Variants in TTYH2 observed in about 807,000 individuals in gnomAD.
The protein encoded by TTYH2 is tweety family member 2, also known as protein tweety homolog 2.
A neutral mutation model predicts 68.3 loss-of-function variants in TTYH2; 49 were observed. The ratio of observed to expected loss-of-function variants is 0.72; its 90% CI spans 0.57 to 0.91. The LOEUF is 0.91. Ranked by LOEUF, TTYH2 falls within the 40% of genes least tolerant of loss-of-function variation. TTYH2 has a pLI of 0.00. For synonymous variants in TTYH2, 272 were observed against 300.8 expected (o/e 0.90, Z 0.99); for missense variants, 631 against 700.4 (o/e 0.90, Z 1.12).
At position 74,214,923 on chromosome 17, in the gene TTYH2, C is replaced by T. The variant is rs1013040250; in HGVS notation, c.129+1207C>T. Reference sequence around the variant, plus strand: ...AGTCTAATAATAACCCCTGACGACCCGGCTGCCATCAGGCCCAGGCAGATG... The same window carrying T: ...AGTCTAATAATAACCCCTGACGACCTGGCTGCCATCAGGCCCAGGCAGATG... On this transcript the variant is annotated intron_variant, in intron 1 of 13. Transcript: ENST00000269346. This position sits in a 1 kb window ranked among gnomAD's most constrained non-coding sequence, Gnocchi z 4.6. Among the ~76,000 whole-genome samples, 1 of 152,128 alleles carries T rather than the reference C, an allele frequency of 6.6e-6. No individual in the cohort carries two copies. The highest frequency in any genetic ancestry group is 1.5e-5 in the Non-Finnish European group (1 of 68,024).
At chr17:74,248,370 T>C (rs925668404) in intron 6 of TTYH2, 4 of 986,476 alleles carry the variant, frequency 4.1e-6, no homozygotes, top group African/African-American at 3.5e-5. Flanking sequence ...AGCAATCACT[T>C]AGCCAGGCCG....
intron 13 of TTYH2, among the ~76,000 whole-genome samples, chr17:74,259,903 G>A (rs1439783465): frequency 6.6e-6 from 1 of 152,184 alleles, no homozygotes; most frequent in East Asian, 1.9e-4. Context: ...GCTGGATGCT[G>A]GGGGTGTGTG....
chr17:74,217,092 C>T lies in TTYH2; in HGVS notation c.129+3376C>T, dbSNP rs1165642685. Among the ~76,000 whole-genome samples the T allele has an allele frequency of 2.0e-5, 3 of 152,312 alleles. No homozygotes were observed. In the East Asian group the frequency reaches 5.8e-4, roughly 29 times the overall value. Reference sequence around the variant, plus strand: ...AGGCACTTCGGTGTCCCTGCCTGAGCGTGAGTGCCACCATCACCATCCAGC... The same window carrying T: ...AGGCACTTCGGTGTCCCTGCCTGAGTGTGAGTGCCACCATCACCATCCAGC... On this transcript the variant is annotated intron_variant, in intron 1 of 13. Coordinates refer to ENST00000269346, the MANE Select transcript of TTYH2 (RefSeq NM_032646.6). The surrounding 1 kb of genome is among the most constrained non-coding windows in gnomAD (Gnocchi z 4.0).
chr17:74,251,650 G>T lies in TTYH2; in HGVS notation c.1117-584G>T, dbSNP rs532025523. On this transcript the variant is annotated intron_variant, in intron 10 of 13. Coordinates refer to ENST00000269346, the MANE Select transcript of TTYH2 (RefSeq NM_032646.6). ...GGTCCTGCCCCTCCAGCAGACAGTG[G>T]CCTCTTCCCACTTTCTCTTGCCCCC... Among the ~76,000 whole-genome samples the T allele has an allele frequency of 2.2e-5, 3 of 139,300 alleles. No homozygotes were observed. The East Asian group carries it at 5.8e-4, about 27-fold the overall frequency. 91.4% of individuals were successfully genotyped at this position (139,300 alleles called of 152,430 possible). A position where few individuals can be genotyped will look rare whatever the true frequency, so the allele number is the denominator to read the frequency against.
chr17:74,253,971 G>A lies in TTYH2; in HGVS notation c.1524+138G>A, dbSNP rs8069056. On this transcript the variant is annotated intron_variant, in intron 13 of 13. Coordinates refer to ENST00000269346, the MANE Select transcript of TTYH2 (RefSeq NM_032646.6). ...TGAATATGCACTAAACCAGACCGTC[G>A]TGGGTATCCCAGGCAGTCCGCTAAG... is the stretch of plus-strand genomic sequence containing the variant. 74 of 858,446 alleles carry A rather than the reference G, an allele frequency of 8.6e-5. No individual in the cohort carries two copies. The South Asian group carries it at 9.2e-4, about 11-fold the overall frequency. 53.2% of individuals were successfully genotyped at this position (858,446 alleles called of 1,614,324 possible).
chr17:74,224,279 T>C (rs915812233), intron 2 of TTYH2, among the ~76,000 whole-genome samples: 23 of 152,134 alleles, frequency 1.5e-4, no homozygotes, highest in African/African-American at 5.3e-4. Flanking sequence ...TGCATGCTTG[T>C]AGTCCTGACT....
At chr17:74,243,312 C>T (rs780545306) in intron 4 of TTYH2, 62 bp from the exon 5 acceptor site, 45 of 1,390,868 alleles carry the variant, frequency 3.2e-5, no homozygotes, top group South Asian at 5.8e-5. Flanking sequence ...AGGCCTCTCA[C>T]GTGGCCAGCA....
At chr17:74,259,705 T>A (rs984769309) in intron 13 of TTYH2, among the ~76,000 whole-genome samples, 6 of 152,158 alleles carry the variant, frequency 3.9e-5, no homozygotes, top group African/African-American at 9.6e-5. Context: ...TTATGTCCAT[T>A]TTGCAGGTAG....
At chr17:74,249,142 C>T in intron 7 of TTYH2, 62 bp downstream of exon 7, 3 of 1,608,356 alleles carry the variant, frequency 1.9e-6, no homozygotes, top group South Asian at 1.1e-5. Context: ...TGTGCCCCTA[C>T]TTACCTCTTT....
intron 1 of TTYH2, among the ~76,000 whole-genome samples, chr17:74,219,630 C>A (rs1327624857): frequency 6.6e-6 from 1 of 152,116 alleles, no homozygotes; most frequent in Non-Finnish European, 1.5e-5. Flanking sequence ...TCATGAGTAT[C>A]TCTGACTTTG....
In TTYH2 at chr17:74,213,814, A is replaced by C; in HGVS notation, c.129+98A>C. On this transcript the variant is annotated intron_variant, in intron 1 of 13. Coordinates refer to ENST00000269346, the MANE Select transcript of TTYH2 (RefSeq NM_032646.6). This position sits in a 1 kb window ranked among gnomAD's most constrained non-coding sequence, Gnocchi z 6.1. The stretch of plus-strand genomic sequence containing the variant: ...GCCTGCACTTTCCCACGTGCCTCTC[A>C]GACCCCTTCTCTCCCCGCGCAGCCC... 1 of 1,439,762 alleles carries C rather than the reference A, an allele frequency of 6.9e-7. No individual in the cohort carries two copies. The highest frequency in any genetic ancestry group is 1.4e-5 in the African/African-American group (1 of 69,538). The allele number at this position is 1,439,762 out of a possible 1,614,324, so 89.2% of individuals were successfully genotyped here. A position where few individuals can be genotyped will look rare whatever the true frequency, so the allele number is the denominator to read the frequency against.
At chr17:74,219,870 T>G (rs1343851179) in intron 1 of TTYH2, among the ~76,000 whole-genome samples, 2 of 152,214 alleles carry the variant, frequency 1.3e-5, no homozygotes, top group African/African-American at 4.8e-5. Context: ...GAAGCTGCTG[T>G]GAACATTTGT....
At chr17:74,227,582 T>G (rs1250794088) in intron 2 of TTYH2, among the ~76,000 whole-genome samples, 1 of 152,164 alleles carries the variant, frequency 6.6e-6, no homozygotes, top group Non-Finnish European at 1.5e-5. Context: ...CTCCCCTCTG[T>G]GTGGATACAG....
chr17:74,215,676 T>C lies in TTYH2; in HGVS notation c.129+1960T>C. Reference sequence around the variant, plus strand: ...GCGTGGTGGGCCAGGACCGGAAGTCTGGCTCTGGGTGTTATTTAAGGTGGC... The same window carrying C: ...GCGTGGTGGGCCAGGACCGGAAGTCCGGCTCTGGGTGTTATTTAAGGTGGC... On this transcript the variant is annotated intron_variant, in intron 1 of 13. Transcript: ENST00000269346. This position sits in a 1 kb window ranked among gnomAD's most constrained non-coding sequence, Gnocchi z 4.3. 2 of 1,535,532 alleles carry C rather than the reference T, an allele frequency of 1.3e-6. No individual in the cohort carries two copies. Among genetic ancestry groups the C allele is most frequent in the South Asian group, 2.4e-5 (2 of 84,062 alleles).
intron 4 of TTYH2, among the ~76,000 whole-genome samples, chr17:74,242,276 C>T (rs927118313): frequency 6.6e-6 from 1 of 152,206 alleles, no homozygotes; most frequent in Non-Finnish European, 1.5e-5. Context: ...CTGACCTGGA[C>T]TCCCGGGTTC....
chr17:74,250,121 G>T, intron 9 of TTYH2, 93 bp downstream of exon 9: 1 of 1,516,246 alleles, frequency 6.6e-7, no homozygotes, highest in Non-Finnish European at 9.1e-7. Flanking sequence ...TGCACAGCTT[G>T]CTGCTGGCTC....
rs2050283230 is a variant in TTYH2, at chr17:74,222,311, T to C, written c.130-174T>C. Among the ~76,000 whole-genome samples, 1 of 152,174 alleles carries C rather than the reference T, an allele frequency of 6.6e-6. No homozygotes were observed. The highest frequency in any genetic ancestry group is 2.1e-4 in the South Asian group (1 of 4,832). On this transcript the variant is annotated intron_variant, in intron 1 of 13. Coordinates refer to ENST00000269346, the MANE Select transcript of TTYH2 (RefSeq NM_032646.6). The surrounding 1 kb of genome is among the most constrained non-coding windows in gnomAD (Gnocchi z 5.2). ...GCTCCATCACTCCCACCCAAGTGCCTCAGCGCCGGGCCCTCTGTTTACAGA... is the reference window on the plus strand; with the variant it reads ...GCTCCATCACTCCCACCCAAGTGCCCCAGCGCCGGGCCCTCTGTTTACAGA...
rs377425299 is a variant in TTYH2, at chr17:74,243,843, G to T, written c.732-134G>T. 219 of 790,142 alleles carry T rather than the reference G, an allele frequency of 2.8e-4. 2 individuals are homozygous for T. The Middle Eastern group carries it at 4.5e-3, about 16-fold the overall frequency. The allele number at this position is 790,142 out of a possible 1,614,324, so 48.9% of individuals were successfully genotyped here. On this transcript the variant is annotated intron_variant, in intron 5 of 13. Transcript: ENST00000269346. ...CTCCATGGTCCTTTCCTAGTAGTGAGCAGGGCCCACGTCAGGGCAGGGACT... is the reference window on the plus strand; with the variant it reads ...CTCCATGGTCCTTTCCTAGTAGTGATCAGGGCCCACGTCAGGGCAGGGACT...
chr17:74,229,825 G>A (rs1328450773), intron 2 of TTYH2, among the ~76,000 whole-genome samples: 4 of 152,182 alleles, frequency 2.6e-5, no homozygotes, highest in Non-Finnish European at 5.9e-5. Context: ...AAACTAAGGA[G>A]AAAGTGAAAA....
Sources: gnomAD v4.1 joint callset for allele counts (sites outside exome capture counted in the v4.1 genomes callset) on GRCh38, gnomAD v4.1.1 for gene constraint, Gnocchi (gnomAD v3.1) non-coding constraint, MANE v1.5 for transcripts, NCBI Gene and HGNC (gene_info 2026-07-23, HGNC 2026-07-21) for gene names.